The following PTCHD4 variants were observed in gnomAD, a reference collection of about 807,000 sequenced individuals.
The protein encoded by PTCHD4 is patched domain-containing protein 4.
Under a neutral mutation model 58.1 loss-of-function variants are expected in PTCHD4, and 33 were observed. The observed-to-expected ratio is 0.57, with a 90% CI of 0.43 to 0.76. The LOEUF is 0.76. Among genes scored for constraint, PTCHD4 ranks in the 30% least tolerant of loss-of-function variants. PTCHD4 has a pLI of 0.00. For missense variants in PTCHD4, 1,058 were observed against 1,027.1 expected, an observed-to-expected ratio of 1.03 and a Z score of -0.41; for synonymous variants, 478 against 409.6, an observed-to-expected ratio of 1.17 and a Z score of -2.02.
At chr6:47,933,537 T>C (rs150937113) in intron 4 of PTCHD4, among the ~76,000 whole-genome samples, 47 of 152,344 alleles carry the variant, frequency 3.1e-4, no homozygotes, top group African/African-American at 1.1e-3. Flanking sequence ...AAAAACATTT[T>C]AAGTGCTGCA....
chr6:47,880,526 GTT>G lies in PTCHD4; in HGVS notation c.899-592_899-591del, dbSNP rs879284734. Among the ~76,000 whole-genome samples the G allele has an allele frequency of 5.5e-3, 802 of 145,458 alleles. 4 individuals carry two copies. The highest frequency in any genetic ancestry group is 8.4e-3 in the Non-Finnish European group (537 of 64,022). On this transcript the variant is annotated intron_variant, in intron 4 of 4. Coordinates refer to ENST00000339488, the MANE Select transcript of PTCHD4 (RefSeq NM_001384253.1). ...GTTGATTAATTAGCTCCGGATGTGA[GTT>G]TTTAAAAAAAAAATCTGCCACGTCA...
intron 3 of PTCHD4, among the ~76,000 whole-genome samples, chr6:48,034,489 T>C (rs1763560424): frequency 6.6e-6 from 1 of 152,002 alleles, no homozygotes; most frequent in African/African-American, 2.4e-5. Flanking sequence ...TTAATTTCCT[T>C]GGAAAAAAAT....
At chr6:47,991,971 T>C (rs1158364571) in intron 4 of PTCHD4, among the ~76,000 whole-genome samples, 1 of 152,048 alleles carries the variant, frequency 6.6e-6, no homozygotes, top group Non-Finnish European at 1.5e-5. Context: ...AATTCAATCA[T>C]ATCCAAAATT....
At chr6:47,963,385 GT>G (rs1406807632) in intron 4 of PTCHD4, among the ~76,000 whole-genome samples, 1 of 152,066 alleles carries the variant, frequency 6.6e-6, no homozygotes, top group Admixed American at 6.6e-5. Context: ...TACACTACTG[GT>G]GGAAAAATAA....
Position 47,858,592 on chromosome 6 carries a change from C to T in PTCHD4, c.*19711G>A, listed in dbSNP as rs945350819. Among the ~76,000 whole-genome samples the T allele has an allele frequency of 1.1e-4, 16 of 151,880 alleles. No individual in the cohort carries two copies. The highest frequency in any genetic ancestry group is 3.9e-4 in the African/African-American group (16 of 41,382). On this transcript the variant is annotated 3_prime_UTR_variant, in exon 5 of 5. Transcript: ENST00000339488. ...ATGCTACTTGACCAACATAAATTAT[C>T]AATTATTTTGGAGAGATTCTAATAA...
chr6:48,045,556 G>A (rs1764004749), intron 3 of PTCHD4, among the ~76,000 whole-genome samples: 1 of 151,712 alleles, frequency 6.6e-6, no homozygotes, highest in South Asian at 2.1e-4. Context: ...CAGAGCATAA[G>A]AGCTAATATT....
At position 47,914,677 on chromosome 6, in the gene PTCHD4, CCTATCTAT is replaced by C. The variant is rs543163605; in HGVS notation, c.899-34749_899-34742del. 2.2e-3 allele frequency among the ~76,000 whole-genome samples: 270 copies of C among 124,128 alleles called. 1 individual carries two copies. The highest frequency in any genetic ancestry group is 6.8e-3 in the African/African-American group (250 of 36,840). The allele number at this position is 124,128 out of a possible 152,430, so 81.4% of individuals were successfully genotyped here. A position where few individuals can be genotyped will look rare whatever the true frequency, so the allele number is the denominator to read the frequency against. ...ATAAAAAGATTTTTATATAATAGAA[CCTATCTAT>C]CTATCTATCTGTCTGTCTGTCTGTC... On this transcript the variant is annotated intron_variant, in intron 4 of 4. Transcript: ENST00000339488.
In PTCHD4 at chr6:47,874,273, CTG is replaced by C. The variant is rs1763791078; in HGVS notation, c.*4028_*4029del. Among the ~76,000 whole-genome samples, 1 of 151,654 alleles carries C rather than the reference CTG, an allele frequency of 6.6e-6. No individual in the cohort carries two copies. ...ATTGCTTACCTGGGGATGGAACTTTCTGTGGACTTTAGGCCCTTAAGACCAAA... is the reference window on the plus strand; with the variant it reads ...ATTGCTTACCTGGGGATGGAACTTTCTGGACTTTAGGCCCTTAAGACCAAA... On this transcript the variant is annotated 3_prime_UTR_variant, in exon 5 of 5. Transcript: ENST00000339488.
intron 4 of PTCHD4, among the ~76,000 whole-genome samples, chr6:47,942,383 G>A (rs2894744): frequency 6.6e-6 from 1 of 152,014 alleles, no homozygotes; most frequent in African/African-American, 2.4e-5. Context: ...AGTATGTAAG[G>A]GTTGTCCTTC....
At chr6:48,103,062 C>T (rs1765642096) in intron 1 of PTCHD4, among the ~76,000 whole-genome samples, 1 of 152,204 alleles carries the variant, frequency 6.6e-6, no homozygotes, top group Admixed American at 6.5e-5. Context: ...GCAATAACCT[C>T]TGCAGTCTTA....
At chr6:48,105,429 C>T (rs1166025920) in intron 1 of PTCHD4, among the ~76,000 whole-genome samples, 3 of 152,188 alleles carry the variant, frequency 2.0e-5, no homozygotes, top group East Asian at 1.9e-4. Context: ...ATACCAGAAT[C>T]TCTGGGACAC....
chr6:48,108,702 G>C (rs550334609), intron 1 of PTCHD4, among the ~76,000 whole-genome samples: 1 of 152,048 alleles, frequency 6.6e-6, no homozygotes, highest in African/African-American at 2.4e-5. Context: ...TATCTGCAAT[G>C]AAAAGTATCA....
rs1461883628 is a variant in PTCHD4, at chr6:47,870,276, A to C, written c.*8027T>G. Among the ~76,000 whole-genome samples the C allele has an allele frequency of 1.3e-5, 2 of 151,642 alleles. No homozygotes were observed. The highest frequency in any genetic ancestry group is 4.8e-5 in the African/African-American group (2 of 41,376). On this transcript the variant is annotated 3_prime_UTR_variant, in exon 5 of 5. Coordinates refer to ENST00000339488, the MANE Select transcript of PTCHD4 (RefSeq NM_001384253.1). ...GATTTGTACCTGTAAGCTTTAGATA[A>C]TAGATTTGTCATGCAGATAAATTAT...
chr6:48,046,002 G>A (rs1200517169), intron 3 of PTCHD4, among the ~76,000 whole-genome samples: 4 of 151,776 alleles, frequency 2.6e-5, no homozygotes, highest in African/African-American at 9.7e-5. Flanking sequence ...GGTATAAGCT[G>A]TGACTTTGCC....
intron 3 of PTCHD4, among the ~76,000 whole-genome samples, chr6:48,013,206 G>A (rs949697422): frequency 9.9e-5 from 15 of 151,860 alleles, no homozygotes; most frequent in African/African-American, 3.6e-4. Context: ...TCTGGTCCTG[G>A]GCTTTTTTGT....
chr6:48,060,030 T>C (rs574360985), intron 3 of PTCHD4, among the ~76,000 whole-genome samples: 2 of 152,346 alleles, frequency 1.3e-5, no homozygotes, highest in East Asian at 3.9e-4. Context: ...AATTTATCTA[T>C]GTGATTGTGT....
chr6:47,889,683 C>T (rs543977259), intron 4 of PTCHD4, among the ~76,000 whole-genome samples: 1,591 of 151,374 alleles, frequency 0.011, 33 homozygotes, highest in African/African-American at 0.037. Context: ...CCCTTCCTTA[C>T]ACCTTATACT....
At chr6:47,987,240 G>A (rs1376899799) in intron 4 of PTCHD4, among the ~76,000 whole-genome samples, 1 of 136,842 alleles carries the variant, frequency 7.3e-6, no homozygotes, top group African/African-American at 2.8e-5. Context: ...AACACACACT[G>A]GGAACTGTTG....
Position 47,876,587 on chromosome 6 carries a change from G to C in PTCHD4, c.*1716C>G, listed in dbSNP as rs540990456. Among the ~76,000 whole-genome samples, 1 of 152,064 alleles carries C rather than the reference G, an allele frequency of 6.6e-6. No individual in the cohort carries two copies. The highest frequency in any genetic ancestry group is 2.1e-4 in the South Asian group (1 of 4,822). On this transcript the variant is annotated 3_prime_UTR_variant, in exon 5 of 5. Transcript: ENST00000339488. Reference sequence around the variant, plus strand: ...TTTCTGAACATAATTGAGTCAAGGAGTTTTGTTATTTTAGGTATTATTAAT... The same window carrying C: ...TTTCTGAACATAATTGAGTCAAGGACTTTTGTTATTTTAGGTATTATTAAT...
Sources: gnomAD v4.1 joint callset for allele counts (sites outside exome capture counted in the v4.1 genomes callset) on GRCh38, gnomAD v4.1.1 for gene constraint, MANE v1.5 for transcripts, NCBI Gene and HGNC (gene_info 2026-07-23, HGNC 2026-07-21) for gene names.